The following KDM4A variants were observed in gnomAD, a reference collection of about 807,000 sequenced individuals.
KDM4A encodes the protein lysine-specific demethylase 4A.
In KDM4A, 23 loss-of-function variants were observed where a neutral mutation model predicts 127.1. The ratio of observed to expected loss-of-function variants is 0.18; its 90% CI spans 0.13 to 0.26. The LOEUF is 0.26. KDM4A is among the 10% of genes least tolerant of loss of function. The probability of loss-of-function intolerance (pLI) is 1.00; values close to 1 mark genes in which losing one functional copy is unlikely to be tolerated. For synonymous variants in KDM4A, 443 were observed against 466.5 expected, an observed-to-expected ratio of 0.95 and a Z score of 0.65; for missense variants, 890 against 1,329.1, an observed-to-expected ratio of 0.67 and a Z score of 5.14.
chr1:43,697,787 T>C (rs781314630), intron 18 of KDM4A, 56 bp from the exon 19 acceptor site: 31 of 1,511,800 alleles, frequency 2.1e-5, no homozygotes, highest in South Asian at 1.2e-5. Context: ...TTCATCTCCA[T>C]ATGCCAGGCC....
rs201262598 is a variant in KDM4A, at chr1:43,653,249, G to A, written c.74G>A (p.Arg25Gln). ...MTFYPTMEEFRNFSRYIAYIE... is the reference protein window; with the variant it reads ...MTFYPTMEEFQNFSRYIAYIE... Reference sequence around the variant, plus strand: ...TTTTATCCAACTATGGAAGAGTTCCGAAACTTCAGTAGATACATTGCCTAC... The same window carrying A: ...TTTTATCCAACTATGGAAGAGTTCCAAAACTTCAGTAGATACATTGCCTAC... The change falls in exon 2 of 22, where the codon CGA becomes CAA. Residue 25 changes from arginine to glutamine, a missense_variant. Arg to Gln is a conservative substitution (Grantham distance 43). Around this residue, in one of 7 missense-constraint regions of KDM4A, gnomAD observed 35 missense variants for 27.7 expected, o/e 1.26. Transcript: ENST00000372396. The A allele has an allele frequency of 7.4e-6, 12 of 1,613,856 alleles. No individual in the cohort carries two copies. Among genetic ancestry groups the A allele is most frequent in the South Asian group, 2.2e-5 (2 of 91,076 alleles).
chr1:43,655,444 C>T, intron 2 of KDM4A, 147 bp from the exon 3 acceptor site: 1 of 666,822 alleles, frequency 1.5e-6, no homozygotes, highest in South Asian at 2.2e-5. Flanking sequence ...ATGCCTGTGA[C>T]TTACTGTGTT....
chr1:43,657,347 C>T (rs933665464), intron 3 of KDM4A, among the ~76,000 whole-genome samples: 9 of 152,122 alleles, frequency 5.9e-5, no homozygotes, highest in African/African-American at 9.6e-5. Flanking sequence ...GGATTACAGG[C>T]GCCCACCACC....
intron 12 of KDM4A, among the ~76,000 whole-genome samples, chr1:43,686,803 A>C (rs1470879780): frequency 4.6e-5 from 7 of 152,242 alleles, no homozygotes. Context: ...CCTACTTTTA[A>C]AAAAATTTCA....
chr1:43,672,041 CAAAA>C (rs1660631616), intron 11 of KDM4A, among the ~76,000 whole-genome samples, 166 bp downstream of exon 11: 1 of 152,142 alleles, frequency 6.6e-6, no homozygotes, highest in Admixed American at 6.5e-5. Context: ...TTGTGTCAAA[CAAAA>C]GCCTGGGGTG....
chr1:43,682,138 T>G (rs368135604), intron 11 of KDM4A, among the ~76,000 whole-genome samples: 20 of 152,208 alleles, frequency 1.3e-4, no homozygotes, highest in African/African-American at 4.8e-4. Context: ...CTGAATTTTT[T>G]TGTGTGTGGA....
In KDM4A at chr1:43,704,804, T is replaced by C. The variant is rs147444422; in HGVS notation, c.*434T>C. On this transcript the variant is annotated 3_prime_UTR_variant, in exon 22 of 22. Coordinates refer to ENST00000372396, the MANE Select transcript of KDM4A (RefSeq NM_014663.3). The stretch of plus-strand genomic sequence containing the variant: ...GTGTGTGCGTGCGTGCGTGCGTGCG[T>C]GTATGTTTGGTCTGGACCAGCTTCT... The C allele has an allele frequency of 9.7e-3, 1,629 of 167,226 alleles. 28 individuals carry two copies. Among genetic ancestry groups the C allele is most frequent in the African/African-American group, 0.037 (1,523 of 41,684 alleles). 10.4% of individuals were successfully genotyped at this position (167,226 alleles called of 1,614,324 possible).
chr1:43,687,270 C>T (rs980090713), intron 12 of KDM4A, among the ~76,000 whole-genome samples: 2 of 152,152 alleles, frequency 1.3e-5, no homozygotes, highest in African/African-American at 2.4e-5. Flanking sequence ...ATGAGGGCAG[C>T]GTAGAATACT....
In KDM4A at chr1:43,704,656, GCTGGCTGGACTGGCTGCCTTGTTC is replaced by G. The variant is rs535179690; in HGVS notation, c.*292_*315del. 286 of 416,274 alleles carry G rather than the reference GCTGGCTGGACTGGCTGCCTTGTTC, an allele frequency of 6.9e-4. 2 individuals carry two copies. Among genetic ancestry groups the G allele is most frequent in the African/African-American group, 5.3e-3 (260 of 49,426 alleles). 25.8% of individuals were successfully genotyped at this position (416,274 alleles called of 1,614,324 possible). ...CCCAGTCCATAGAGGGGTCAACTAT[GCTGGCTGGACTGGCTGCCTTGTTC>G]CTGGCCTAGGACTTAGCTTCATAAC... On this transcript the variant is annotated 3_prime_UTR_variant, in exon 22 of 22. Coordinates refer to ENST00000372396, the MANE Select transcript of KDM4A (RefSeq NM_014663.3).
chr1:43,687,482 A>G (rs1214026005), intron 12 of KDM4A, among the ~76,000 whole-genome samples: 1 of 152,170 alleles, frequency 6.6e-6, no homozygotes, highest in East Asian at 1.9e-4. Flanking sequence ...GCCCCGTGTG[A>G]TGGGGCTGGC....
intron 20 of KDM4A, 63 bp from the exon 21 acceptor site, chr1:43,703,957 G>C: frequency 6.9e-7 from 1 of 1,446,830 alleles, no homozygotes; most frequent in South Asian, 1.1e-5. Context: ...CTGCCACTGT[G>C]CATGGTGGAC....
chr1:43,668,132 T>C, intron 9 of KDM4A, 113 bp downstream of exon 9: 1 of 1,418,056 alleles, frequency 7.1e-7, no homozygotes, highest in Non-Finnish European at 9.6e-7. Context: ...GTTTTTGTTT[T>C]TGTTTTTGTT....
intron 11 of KDM4A, among the ~76,000 whole-genome samples, chr1:43,672,847 C>T (rs527925303): frequency 1.9e-4 from 29 of 152,320 alleles, no homozygotes; most frequent in African/African-American, 6.3e-4. Context: ...GCCTTAGCGG[C>T]ACCAGGGTTA....
rs1660848928 is a variant in KDM4A, at chr1:43,681,157, A to G, written c.1735-2527A>G. Among the ~76,000 whole-genome samples the G allele has an allele frequency of 2.6e-5, 4 of 152,132 alleles. No homozygotes were observed. In the South Asian group the frequency reaches 8.3e-4, roughly 32 times the overall value. On this transcript the variant is annotated intron_variant, in intron 11 of 21. Coordinates refer to ENST00000372396, the MANE Select transcript of KDM4A (RefSeq NM_014663.3). ...GAACTTATCTCAAAAAACAGTCCTC[A>G]TAGCTCCCCGTTGCTGAGTGAGTCC...
At chr1:43,661,123 C>T (rs896773163) in intron 4 of KDM4A, among the ~76,000 whole-genome samples, 7 of 151,880 alleles carry the variant, frequency 4.6e-5, no homozygotes, top group South Asian at 4.2e-4. Flanking sequence ...TATAGGCATG[C>T]GCCACCATGC....
chr1:43,659,100 C>T (rs1160332303), intron 3 of KDM4A, among the ~76,000 whole-genome samples: 1 of 151,946 alleles, frequency 6.6e-6, no homozygotes, highest in Non-Finnish European at 1.5e-5. Flanking sequence ...AATTTGAGAC[C>T]AACCTGGGCA....
intron 2 of KDM4A, 102 bp from the exon 3 acceptor site, chr1:43,655,489 G>A (rs559836941): frequency 1.0e-6 from 1 of 1,003,580 alleles, no homozygotes; most frequent in East Asian, 2.5e-5. Flanking sequence ...TAACTGTCTA[G>A]TAAAATTGAC....
intron 2 of KDM4A, 120 bp from the exon 3 acceptor site, chr1:43,655,471 A>T: frequency 1.2e-6 from 1 of 859,762 alleles, no homozygotes; most frequent in Non-Finnish European, 1.8e-6. Flanking sequence ...AATGTGGGTA[A>T]ATCAAAGTAA....
At chr1:43,686,509 G>T (rs1660984428) in intron 12 of KDM4A, among the ~76,000 whole-genome samples, 1 of 151,894 alleles carries the variant, frequency 6.6e-6, no homozygotes, top group African/African-American at 2.4e-5. Context: ...GCTAATTTTT[G>T]TATCTTTAGT....
Sources: allele counts gnomAD v4.1 joint callset (sites outside exome capture counted in the v4.1 genomes callset), GRCh38; gene constraint gnomAD v4.1.1; regional missense constraint gnomAD v4.1.1; transcripts MANE v1.5; gene names NCBI Gene and HGNC (gene_info 2026-07-23, HGNC 2026-07-21).